The following ATP5MC3 variants were observed in gnomAD, a reference collection of about 807,000 sequenced individuals.
ATP5MC3 encodes ATP synthase membrane subunit c locus 3.
ATP5MC3 carries 6 observed loss-of-function variants against 15.6 expected under a neutral mutation model. That is an observed-to-expected ratio of 0.38 (90% CI 0.21 to 0.76). ATP5MC3 has a LOEUF of 0.76. Among genes scored for constraint, ATP5MC3 ranks in the 30% least tolerant of loss-of-function variants. The pLI is 0.44. For synonymous variants in ATP5MC3, 66 were observed against 63.3 expected (o/e 1.04, Z -0.20); for missense variants, 132 against 171.2 (o/e 0.77, Z 1.28).
Position 175,176,536 on chromosome 2 carries a change from C to T in ATP5MC3, c.*1752G>A, listed in dbSNP as rs1299150251. The T allele has an allele frequency of 6.6e-6, 1 of 152,190 alleles. No individual in the cohort carries two copies. The highest frequency in any genetic ancestry group is 1.5e-5 in the Non-Finnish European group (1 of 68,028). The allele number at this position is 152,190 out of a possible 1,614,324, so 9.4% of individuals were successfully genotyped here. A position where few individuals can be genotyped will look rare whatever the true frequency, so the allele number is the denominator to read the frequency against. ...TTAGCAGTGAGGGGCTATATACCAA[C>T]TTTAATGACACTAATGTTAATAAGT... On this transcript the variant is annotated 3_prime_UTR_variant, in exon 5 of 5. Transcript: ENST00000284727.
At chr2:175,180,778 A>C (rs1167618656) in intron 2 of ATP5MC3, among the ~76,000 whole-genome samples, 1 of 152,160 alleles carries the variant, frequency 6.6e-6, no homozygotes, top group East Asian at 1.9e-4. Context: ...TCCGAACCAA[A>C]ACCTGATTCT....
chr2:175,180,640 A>G (rs1700755617), intron 2 of ATP5MC3, among the ~76,000 whole-genome samples: 2 of 152,176 alleles, frequency 1.3e-5, no homozygotes, highest in Admixed American at 1.3e-4. Context: ...AAAATTTCTA[A>G]AAAAGGAACT....
chr2:175,178,608 GTTA>G, intron 4 of ATP5MC3: 1 of 1,287,468 alleles, frequency 7.8e-7, no homozygotes. Flanking sequence ...AATATAAATG[GTTA>G]GTTTTCATTC....
At chr2:175,180,851 A>G (rs1700757929) in intron 2 of ATP5MC3, among the ~76,000 whole-genome samples, 1 of 152,086 alleles carries the variant, frequency 6.6e-6, no homozygotes, top group Non-Finnish European at 1.5e-5. Context: ...TGAAAATAAT[A>G]CTCCAGAGGC....
intron 4 of ATP5MC3, 37 bp from the exon 5 acceptor site, chr2:175,178,439 T>C (rs919175870): frequency 3.2e-6 from 5 of 1,565,162 alleles, no homozygotes; most frequent in South Asian, 2.4e-5. Flanking sequence ...CTTTGAAATA[T>C]TAATTTCAAC....
Position 175,179,221 on chromosome 2 carries a change from A to T in ATP5MC3, c.150T>A (p.Asn50Lys), listed in dbSNP as rs1161240080. 1 of 1,614,126 alleles carries T rather than the reference A, an allele frequency of 6.2e-7. No individual in the cohort carries two copies. Residue 50 changes from asparagine (N) to lysine (K), a missense_variant, in exon 4 of 5, where the codon AAT becomes AAA. Coordinates refer to ENST00000284727, the MANE Select transcript of ATP5MC3 (RefSeq NM_001689.5). ...EGSTVFNGAQ[N>K]GVSQLIQREF... ...CCCTTTGGATTAGCTGAGACACACC[A>T]TTCTGGGCCCCATTAAATACCGTAG...
At chr2:175,178,594 T>C (rs1278474862) in intron 4 of ATP5MC3, 192 bp from the exon 5 acceptor site, 1 of 1,314,240 alleles carries the variant, frequency 7.6e-7, no homozygotes, top group Non-Finnish European at 9.7e-7. Flanking sequence ...GGGAGCTGTC[T>C]GTCAATATAA....
intron 2 of ATP5MC3, among the ~76,000 whole-genome samples, chr2:175,181,011 C>T (rs1353888033): frequency 6.6e-6 from 1 of 152,182 alleles, no homozygotes; most frequent in Admixed American, 6.5e-5. Context: ...CGGCCCCCTA[C>T]ATCCTCTGCA....
chr2:175,180,174 C>A lies in ATP5MC3; in HGVS notation c.44G>T (p.Arg15Leu). The change falls in exon 3 of 5, where the codon CGA becomes CTA. Residue 15 changes from arginine to leucine, a missense_variant. Physicochemically the swap from Arg to Leu is moderately radical, Grantham distance 102. Coordinates refer to ENST00000284727, the MANE Select transcript of ATP5MC3 (RefSeq NM_001689.5). ...AKLACTPSLI[R>L]AGSRVAYRPI... ...TCTGTATGCAACTCTGGATCCAGCT[C>A]GGATCTATTAATGAAAAAAAAATAA... 6.3e-7 allele frequency: 1 copy of A among 1,576,138 alleles called. No homozygotes were observed. Among genetic ancestry groups the A allele is most frequent in the Non-Finnish European group, 8.5e-7 (1 of 1,169,830 alleles).
rs1020053831 is a variant in ATP5MC3 at position 175,177,497 on chromosome 2, C to T, written c.*791G>A. 2.0e-5 allele frequency: 3 copies of T among 152,252 alleles called. No individual in the cohort carries two copies. The highest frequency in any genetic ancestry group is 2.1e-4 in the South Asian group (1 of 4,824). The allele number at this position is 152,252 out of a possible 1,614,324, so 9.4% of individuals were successfully genotyped here. A position where few individuals can be genotyped will look rare whatever the true frequency, so the allele number is the denominator to read the frequency against. On this transcript the variant is annotated 3_prime_UTR_variant, in exon 5 of 5. Transcript: ENST00000284727. ...GTATTAGCAGCAAAATACTGTTGAA[C>T]CAGCTATCATCCCCAAGACTCCCAC...
chr2:175,180,041 T>C, intron 3 of ATP5MC3, 57 bp downstream of exon 3: 1 of 1,400,274 alleles, frequency 7.1e-7, no homozygotes, highest in South Asian at 1.3e-5. Context: ...TTCACTCTAA[T>C]CAAAACCCTA....
At position 175,180,178 on chromosome 2, in the gene ATP5MC3, T is replaced by C. The variant is rs1285350326; in HGVS notation, c.40A>G (p.Ile14Val). The C allele has an allele frequency of 3.8e-6, 6 of 1,573,428 alleles. No homozygotes were observed. The South Asian group carries it at 4.8e-5, about 13-fold the overall frequency. The change falls in exon 3 of 5, where the codon ATC (isoleucine) becomes GTC (valine). Residue 14 changes from isoleucine to valine, a missense_variant and splice_region_variant. This residue lies in a region of ATP5MC3 where 90 missense variants were observed against 86.2 expected (regional missense o/e 1.04). Transcript: ENST00000284727. ...CAKLACTPSL[I>V]RAGSRVAYRP... is the part of the protein sequence containing the mutation. ...TATGCAACTCTGGATCCAGCTCGGA[T>C]CTATTAATGAAAAAAAAATAAAGAT...
intron 4 of ATP5MC3, chr2:175,178,831 C>T (rs1268730227): frequency 2.7e-6 from 3 of 1,112,084 alleles, no homozygotes; most frequent in Non-Finnish European, 3.5e-6. Flanking sequence ...TAGCTATGAC[C>T]TGGGCAAGTA....
chr2:175,179,557 G>C (rs1048022595), intron 3 of ATP5MC3: 12 of 281,622 alleles, frequency 4.3e-5, no homozygotes, highest in African/African-American at 2.0e-4. Flanking sequence ...CTGGAGTGCA[G>C]TACAGTGTGG....
intron 4 of ATP5MC3, chr2:175,178,797 TA>T (rs2105414307): frequency 8.7e-7 from 1 of 1,153,046 alleles, no homozygotes; most frequent in South Asian, 3.0e-5. Context: ...CAGACTTAGT[TA>T]AAATTCATTT....
chr2:175,180,730 C>G (rs1574545971), intron 2 of ATP5MC3, among the ~76,000 whole-genome samples: 1 of 152,190 alleles, frequency 6.6e-6, no homozygotes, highest in East Asian at 1.9e-4. Context: ...CTTCTCTGCC[C>G]TTGAGTGTCC....
rs1574543260 is a variant in ATP5MC3 at position 175,177,040 on chromosome 2, T to A, written c.*1248A>T. On this transcript the variant is annotated 3_prime_UTR_variant, in exon 5 of 5. Transcript: ENST00000284727. ...GAGGTAGCAGCTCTACCTCTTTAGC[T>A]TTTTGGGGCCTCATTTCACTTTACA... The A allele has an allele frequency of 6.6e-6, 1 of 152,198 alleles. No homozygotes were observed. The highest frequency in any genetic ancestry group is 6.5e-5 in the Admixed American group (1 of 15,280). The allele number at this position is 152,198 out of a possible 1,614,324, so 9.4% of individuals were successfully genotyped here.
chr2:175,178,804 C>A, intron 4 of ATP5MC3: 1 of 1,125,854 alleles, frequency 8.9e-7, no homozygotes. Context: ...AGTTAAAATT[C>A]ATTTTCTGAC....
intron 1 of ATP5MC3, 79 bp downstream of exon 1, chr2:175,181,577 G>C (rs764149290): frequency 3.2e-5 from 22 of 685,196 alleles, no homozygotes; most frequent in Non-Finnish European, 4.8e-5. Context: ...TGCCCAGTGA[G>C]GCGCCGGCAC....
Sources: allele counts gnomAD v4.1 joint callset (sites outside exome capture counted in the v4.1 genomes callset), GRCh38; gene constraint gnomAD v4.1.1; regional missense constraint gnomAD v4.1.1; transcripts MANE v1.5; gene names NCBI Gene and HGNC (gene_info 2026-07-23, HGNC 2026-07-21).